Variants in STAG1 observed in about 807,000 individuals in gnomAD.
The protein encoded by STAG1 is cohesin subunit SA-1.
Under a neutral mutation model 170.9 loss-of-function variants are expected in STAG1, and 26 were observed. The ratio of observed to expected loss-of-function variants is 0.15; its 90% confidence interval spans 0.11 to 0.21. The LOEUF (loss-of-function observed/expected upper bound fraction) is 0.21, where lower values mean the gene tolerates loss of function less well. Among genes scored for constraint, STAG1 ranks in the 10% least tolerant of loss-of-function variants. STAG1 has a pLI of 1.00. For synonymous variants in STAG1, 514 were observed against 497.7 expected (o/e 1.03, Z -0.44); for missense variants, 964 against 1,509.5 (o/e 0.64, Z 5.99).
intron 13 of STAG1, among the ~76,000 whole-genome samples, chr3:136,456,561 C>T (rs61789650): frequency 3.2e-4 from 49 of 152,022 alleles, no homozygotes; most frequent in Admixed American, 1.5e-3. Context: ...CCAAAGGAGA[C>T]GAGAGAGAAA....
At chr3:136,612,556 G>A (rs998884056) in intron 3 of STAG1, among the ~76,000 whole-genome samples, 8 of 152,160 alleles carry the variant, frequency 5.3e-5, no homozygotes, top group Admixed American at 2.6e-4. Context: ...AGCTGGACAC[G>A]GTGGCATGTG....
intron 6 of STAG1, among the ~76,000 whole-genome samples, chr3:136,536,420 T>C (rs1007300724): frequency 6.6e-6 from 1 of 152,040 alleles, no homozygotes; most frequent in East Asian, 1.9e-4. Flanking sequence ...CTTCTGACTA[T>C]ATAAAACACA....
intron 9 of STAG1, among the ~76,000 whole-genome samples, chr3:136,490,611 C>T (rs1260427781): frequency 1.3e-5 from 2 of 152,072 alleles, no homozygotes; most frequent in Non-Finnish European, 2.9e-5. Flanking sequence ...TTAATATTTA[C>T]ATTTTAACTA....
intron 7 of STAG1, among the ~76,000 whole-genome samples, chr3:136,510,716 A>G (rs1377422654): frequency 6.6e-6 from 1 of 151,286 alleles, no homozygotes; most frequent in Non-Finnish European, 1.5e-5. Context: ...GGTTCAAGTG[A>G]TTCTCCTGCC....
At chr3:136,541,329 TA>T (rs1275711967) in intron 6 of STAG1, among the ~76,000 whole-genome samples, 1 of 152,030 alleles carries the variant, frequency 6.6e-6, no homozygotes, top group Non-Finnish European at 1.5e-5. Context: ...GCCTAATACA[TA>T]ATATAAATTC....
chr3:136,576,468 A>G (rs936996529), intron 4 of STAG1, among the ~76,000 whole-genome samples: 1 of 152,244 alleles, frequency 6.6e-6, no homozygotes, highest in African/African-American at 2.4e-5. Flanking sequence ...ATCATAGATT[A>G]CATTCATATG....
intron 1 of STAG1, among the ~76,000 whole-genome samples, chr3:136,702,111 GA>G (rs1943091400): frequency 1.3e-5 from 1 of 78,858 alleles, no homozygotes; most frequent in Non-Finnish European, 2.9e-5. Flanking sequence ...GAGAGAGAGA[GA>G]GAGAGAGAGA....
intron 4 of STAG1, among the ~76,000 whole-genome samples, chr3:136,579,792 C>T (rs1345852366): frequency 6.6e-6 from 1 of 152,046 alleles, no homozygotes; most frequent in African/African-American, 2.4e-5. Flanking sequence ...CCCCGTTCAT[C>T]ATAAACAATT....
chr3:136,488,581 A>C (rs1045209936), intron 9 of STAG1, among the ~76,000 whole-genome samples: 1 of 152,254 alleles, frequency 6.6e-6, no homozygotes, highest in African/African-American at 2.4e-5. Flanking sequence ...GCTCAAGTGC[A>C]TCAGCACCTA....
At chr3:136,656,840 C>T (rs777708646) in intron 1 of STAG1, among the ~76,000 whole-genome samples, 5 of 152,058 alleles carry the variant, frequency 3.3e-5, no homozygotes, top group Admixed American at 1.3e-4. Flanking sequence ...AATGTAAAAG[C>T]TCTTCCAGAA....
intron 7 of STAG1, among the ~76,000 whole-genome samples, chr3:136,513,889 G>C (rs1476859906): frequency 6.6e-6 from 1 of 151,754 alleles, no homozygotes; most frequent in Non-Finnish European, 1.5e-5. Context: ...CAATTAAGTA[G>C]CATCTAAATT....
intron 22 of STAG1, among the ~76,000 whole-genome samples, chr3:136,396,349 C>A (rs1170957635): frequency 6.6e-6 from 1 of 151,304 alleles, no homozygotes; most frequent in Non-Finnish European, 1.5e-5. Context: ...TCCTGAGTAG[C>A]TGGGACTACA....
intron 1 of STAG1, among the ~76,000 whole-genome samples, chr3:136,662,723 GC>G (rs1487307222): frequency 6.6e-6 from 1 of 152,152 alleles, no homozygotes; most frequent in African/African-American, 2.4e-5. Flanking sequence ...AGGATTACAG[GC>G]AAAAGCCACC....
chr3:136,688,688 G>C (rs951821661), intron 1 of STAG1, among the ~76,000 whole-genome samples: 2 of 152,162 alleles, frequency 1.3e-5, no homozygotes, highest in African/African-American at 4.8e-5. Flanking sequence ...CACCACGCCT[G>C]GCCAAGAGTA....
intron 1 of STAG1, among the ~76,000 whole-genome samples, chr3:136,682,536 A>C (rs977167263): frequency 2.6e-4 from 39 of 151,940 alleles, no homozygotes; most frequent in Admixed American, 2.4e-3. Context: ...TAACCAATAA[A>C]TTCAGTGAAG....
intron 22 of STAG1, among the ~76,000 whole-genome samples, chr3:136,391,926 A>G (rs975884933): frequency 1.3e-5 from 2 of 152,224 alleles, no homozygotes; most frequent in Non-Finnish European, 2.9e-5. Flanking sequence ...TCCATTTCAA[A>G]TAACGATCAA....
chr3:136,547,078 G>T (rs1370027945), intron 5 of STAG1, among the ~76,000 whole-genome samples: 1 of 152,190 alleles, frequency 6.6e-6, no homozygotes, highest in East Asian at 1.9e-4. Flanking sequence ...GTTGGGTTTA[G>T]TATTTCAGTC....
intron 1 of STAG1, among the ~76,000 whole-genome samples, chr3:136,722,936 C>T (rs1370560180): frequency 2.0e-5 from 3 of 152,318 alleles, no homozygotes; most frequent in South Asian, 2.1e-4. Flanking sequence ...GTGAGTGATC[C>T]GCCAGCCTCG....
At chr3:136,489,997 T>C (rs1174086589) in intron 9 of STAG1, among the ~76,000 whole-genome samples, 1 of 152,208 alleles carries the variant, frequency 6.6e-6, no homozygotes. Context: ...ATTTCATTTA[T>C]TATTTCAGGC....
Sources: gnomAD v4.1 joint callset for allele counts (sites outside exome capture counted in the v4.1 genomes callset) on GRCh38, gnomAD v4.1.1 for gene constraint, MANE v1.5 for transcripts, NCBI Gene and HGNC (gene_info 2026-07-23, HGNC 2026-07-21) for gene names.